Variants in ATP6V0E1 observed in about 807,000 individuals in gnomAD.
ATP6V0E1 encodes ATPase H+ transporting V0 subunit e1.
Under a neutral mutation model 11.6 loss-of-function variants are expected in ATP6V0E1, and 4 were observed. The ratio of observed to expected loss-of-function variants is 0.35; its 90% CI spans 0.17 to 0.79. The LOEUF is 0.79. Among genes scored for constraint, ATP6V0E1 ranks in the 30% least tolerant of loss-of-function variants. The pLI, the probability that ATP6V0E1 is intolerant of heterozygous loss-of-function variation, is 0.54. For missense variants in ATP6V0E1, 105 were observed against 100.0 expected (o/e 1.05, Z -0.21); for synonymous variants, 36 against 34.8 (o/e 1.04, Z -0.13).
intron 2 of ATP6V0E1, among the ~76,000 whole-genome samples, chr5:173,001,843 C>T (rs146316260): frequency 0.011 from 1,710 of 152,062 alleles, 17 homozygotes; most frequent in Middle Eastern, 0.041. Flanking sequence ...CTCAGCCTCC[C>T]GAGTAACTGG....
intron 2 of ATP6V0E1, among the ~76,000 whole-genome samples, chr5:173,013,606 T>C (rs1756363496): frequency 6.7e-6 from 1 of 150,034 alleles, no homozygotes; most frequent in Non-Finnish European, 1.5e-5. Context: ...AGACAACTTG[T>C]TGAATGGGAG....
chr5:173,006,471 G>C (rs954039035), intron 2 of ATP6V0E1, among the ~76,000 whole-genome samples: 1 of 152,100 alleles, frequency 6.6e-6, no homozygotes, highest in Non-Finnish European at 1.5e-5. Flanking sequence ...TTAGCCAGGC[G>C]TGGTGGTGGG....
At chr5:173,009,456 CTTT>C (rs920585185) in intron 2 of ATP6V0E1, among the ~76,000 whole-genome samples, 1 of 105,210 alleles carries the variant, frequency 9.5e-6, no homozygotes, top group African/African-American at 3.9e-5. Context: ...AGCCACTTCC[CTTT>C]TTTTTTTTTT....
At chr5:172,996,574 A>AAAAAAACATAC (rs1292001050) in intron 2 of ATP6V0E1, among the ~76,000 whole-genome samples, 1 of 151,704 alleles carries the variant, frequency 6.6e-6, no homozygotes, top group African/African-American at 2.4e-5. Context: ...AAAAAAAAAA[A>AAAAAAACATAC]ATACATACAT....
chr5:173,025,107 CTAGGATTACAGGTGT>C (rs1756536824), intron 3 of ATP6V0E1, among the ~76,000 whole-genome samples: 2 of 144,996 alleles, frequency 1.4e-5, no homozygotes, highest in Non-Finnish European at 3.0e-5. Flanking sequence ...TCCCAAAGTG[CTAGGATTACAGGTGT>C]GAGCCACTGT....
chr5:173,027,735 T>G (rs1756585914), intron 3 of ATP6V0E1, among the ~76,000 whole-genome samples: 1 of 152,138 alleles, frequency 6.6e-6, no homozygotes, highest in South Asian at 2.1e-4. Context: ...ATTACAGGCA[T>G]GAGCCAATGT....
At chr5:172,990,470 T>C (rs1370834560) in intron 1 of ATP6V0E1, among the ~76,000 whole-genome samples, 1 of 152,130 alleles carries the variant, frequency 6.6e-6, no homozygotes, top group Non-Finnish European at 1.5e-5. Context: ...GTCAACTCCA[T>C]TTTTCTTTTT....
Position 172,983,982 on chromosome 5 carries a change from G to T in ATP6V0E1, c.104+18G>T, listed in dbSNP as rs373351940. ...AACCGGGGGTAAGTGCGTGAGGCCC[G>T]CCTTGGGAGGAACGGGCGGTGAGGA... is the stretch of plus-strand genomic sequence containing the variant. On this transcript the variant is annotated intron_variant, in intron 1 of 3. Coordinates refer to ENST00000519374, the MANE Select transcript of ATP6V0E1 (RefSeq NM_003945.4). 1.9e-5 allele frequency: 30 copies of T among 1,608,216 alleles called. No individual in the cohort carries two copies. Among genetic ancestry groups the T allele is most frequent in the Non-Finnish European group, 2.6e-5 (30 of 1,176,334 alleles).
intron 3 of ATP6V0E1, among the ~76,000 whole-genome samples, chr5:173,025,618 C>A (rs984462651): frequency 7.3e-6 from 1 of 137,380 alleles, no homozygotes; most frequent in Non-Finnish European, 1.5e-5. Context: ...CCTCAGCCTT[C>A]TGATTATCTG....
At position 173,020,327 on chromosome 5, in the gene ATP6V0E1, C is replaced by T. The variant is rs1317229041; in HGVS notation, c.242C>T (p.Pro81Leu). ...ATCTGGTATCTGAAGTATCATTGGC[C>T]TTGAGGAAGAAGACATGCTCTACAG... Reference protein sequence around the residue: ...ETIWYLKYHWP With the variant: ...ETIWYLKYHWL The change falls in exon 3 of 4, where the codon CCT (proline) becomes CTT (leucine). Residue 81 changes from proline (P) to leucine (L), a missense_variant. Pro to Leu is a moderately conservative substitution (Grantham distance 98, BLOSUM62 -3). Transcript: ENST00000519374. 2.4e-5 allele frequency: 39 copies of T among 1,609,752 alleles called. 1 individual carries two copies. Among genetic ancestry groups the T allele is most frequent in the Non-Finnish European group, 2.8e-5 (33 of 1,176,198 alleles).
At chr5:172,987,101 T>C in intron 1 of ATP6V0E1, 1 of 207,682 alleles carries the variant, frequency 4.8e-6, no homozygotes, top group South Asian at 5.9e-5. Context: ...ATACATTTTT[T>C]AAACAAAAAG....
intron 3 of ATP6V0E1, 99 bp downstream of exon 3, chr5:173,020,466 G>C (rs1178511307): frequency 1.9e-5 from 13 of 686,468 alleles, no homozygotes; most frequent in Non-Finnish European, 3.2e-5. Context: ...ACGTGGCAAG[G>C]GCAAGCTGCT....
chr5:173,011,682 CATT>C (rs1756328166), intron 2 of ATP6V0E1, among the ~76,000 whole-genome samples: 1 of 152,182 alleles, frequency 6.6e-6, no homozygotes, highest in African/African-American at 2.4e-5. Flanking sequence ...TCTCTGAAGA[CATT>C]ATTGCACCAT....
At chr5:172,994,623 A>C in intron 1 of ATP6V0E1, 152 bp from the exon 2 acceptor site, 1 of 621,574 alleles carries the variant, frequency 1.6e-6, no homozygotes, top group Non-Finnish European at 2.8e-6. Flanking sequence ...GGCACACCGC[A>C]GTTTGCTGGA....
At chr5:173,033,075 T>G (rs1581639202) in intron 3 of ATP6V0E1, among the ~76,000 whole-genome samples, 1 of 152,024 alleles carries the variant, frequency 6.6e-6, no homozygotes, top group African/African-American at 2.4e-5. Flanking sequence ...CCAGGGCAGG[T>G]GAGAGAGCGA....
chr5:173,011,667 G>T (rs1470323195), intron 2 of ATP6V0E1, among the ~76,000 whole-genome samples: 1 of 152,140 alleles, frequency 6.6e-6, no homozygotes, highest in Non-Finnish European at 1.5e-5. Context: ...TTCCGGCTCT[G>T]CAGTTCTCTG....
At chr5:173,003,399 T>C (rs1040404763) in intron 2 of ATP6V0E1, among the ~76,000 whole-genome samples, 2 of 152,150 alleles carry the variant, frequency 1.3e-5, no homozygotes, top group Admixed American at 6.5e-5. Context: ...AGTGCCCAGA[T>C]CCAGTGTCTG....
intron 2 of ATP6V0E1, among the ~76,000 whole-genome samples, chr5:173,012,206 ATT>A (rs1433554146): frequency 6.6e-6 from 1 of 151,600 alleles, no homozygotes; most frequent in East Asian, 1.9e-4. Context: ...TGATTTTTAT[ATT>A]TTTAGTAGAG....
intron 2 of ATP6V0E1, among the ~76,000 whole-genome samples, chr5:172,998,471 C>T (rs116148115): frequency 0.022 from 3,280 of 151,958 alleles, 69 homozygotes; most frequent in Middle Eastern, 0.048. Context: ...ATTAGCTGCG[C>T]GTGATGGTAC....
Sources: gnomAD v4.1 joint callset for allele counts (sites outside exome capture counted in the v4.1 genomes callset) on GRCh38, gnomAD v4.1.1 for gene constraint, MANE v1.5 for transcripts, NCBI Gene and HGNC (gene_info 2026-07-23, HGNC 2026-07-21) for gene names.